The following CCDC71L variants were observed in gnomAD, a reference collection of about 807,000 sequenced individuals.
The protein encoded by CCDC71L is coiled-coil domain-containing protein 71L.
A neutral mutation model predicts 10.2 loss-of-function variants in CCDC71L; 6 were observed. That is an observed-to-expected ratio of 0.59 (90% CI 0.32 to 1.16). The LOEUF (loss-of-function observed/expected upper bound fraction) is 1.16, where lower values mean the gene tolerates loss of function less well. Among genes scored for constraint, CCDC71L ranks in the 50% most tolerant of loss-of-function variants. The probability of loss-of-function intolerance (pLI) is 0.05; values close to 1 mark genes in which losing one functional copy is unlikely to be tolerated. For synonymous variants in CCDC71L, 204 were observed against 175.5 expected, an observed-to-expected ratio of 1.16 and a Z score of -1.28; for missense variants, 366 against 383.4, an observed-to-expected ratio of 0.95 and a Z score of 0.38.
rs950732500 is a variant in CCDC71L at position 106,658,796 on chromosome 7, G to T, written c.*1393C>A. 1.3e-5 allele frequency: 2 copies of T among 152,584 alleles called. No individual in the cohort carries two copies. Among genetic ancestry groups the T allele is most frequent in the African/African-American group, 4.8e-5 (2 of 41,414 alleles). 9.5% of individuals were successfully genotyped at this position (152,584 alleles called of 1,614,324 possible). A position where few individuals can be genotyped will look rare whatever the true frequency, so the allele number is the denominator to read the frequency against. On this transcript the variant is annotated 3_prime_UTR_variant, in exon 1 of 1. Coordinates refer to ENST00000523505, the MANE Select transcript of CCDC71L (RefSeq NM_175884.6). The stretch of plus-strand genomic sequence containing the variant: ...ATAAACACTATAAAAGCGTAAAGAA[G>T]GGTCAGTATTCTGTGTGTCTCGCCT...
rs1167605856 is a variant in CCDC71L at position 106,655,110 on chromosome 7, A to G, written c.*5079T>C. Among the ~76,000 whole-genome samples the G allele has an allele frequency of 1.3e-5, 2 of 152,136 alleles. No homozygotes were observed. The highest frequency in any genetic ancestry group is 2.9e-5 in the Non-Finnish European group (2 of 67,994). Reference sequence around the variant, plus strand: ...CAATTGGGCTTTAGATATGTTTATTATGTTATAGATCATGGTTTAGAATGA... The same window carrying G: ...CAATTGGGCTTTAGATATGTTTATTGTGTTATAGATCATGGTTTAGAATGA... On this transcript the variant is annotated 3_prime_UTR_variant, in exon 1 of 1. Transcript: ENST00000523505.
rs758121112 is a variant in CCDC71L at position 106,660,822 on chromosome 7, A to G, written c.75T>C (p.Phe25=). 40 of 1,533,076 alleles carry G rather than the reference A, an allele frequency of 2.6e-5. No homozygotes were observed. Among genetic ancestry groups the G allele is most frequent in the Middle Eastern group, 3.4e-4 (2 of 5,866 alleles). 95.0% of individuals were successfully genotyped at this position (1,533,076 alleles called of 1,614,324 possible). A position where few individuals can be genotyped will look rare whatever the true frequency, so the allele number is the denominator to read the frequency against. ...APATAARGGD[F]RAEDGAGLEA... is the part of the protein sequence containing the mutation. ...CCAACCCAGCCCCGTCTTCTGCCCT[A>G]AAGTCGCCGCCCCGGGCGGCCGTGG... is the stretch of plus-strand genomic sequence containing the variant. The change falls in exon 1 of 1, where the codon TTT becomes TTC. Residue 25 remains phenylalanine, a synonymous_variant. Coordinates refer to ENST00000523505, the MANE Select transcript of CCDC71L (RefSeq NM_175884.6). This position sits in a 1 kb window ranked among gnomAD's most constrained non-coding sequence, Gnocchi z 7.5.
rs1409094158 is a variant in CCDC71L at position 106,658,279 on chromosome 7, GTGTT to G, written c.*1906_*1909del. The G allele has an allele frequency of 6.6e-6, 1 of 152,068 alleles. No individual in the cohort carries two copies. Among genetic ancestry groups the G allele is most frequent in the Non-Finnish European group, 1.5e-5 (1 of 68,008 alleles). The allele number at this position is 152,068 out of a possible 1,614,324, so 9.4% of individuals were successfully genotyped here. A position where few individuals can be genotyped will look rare whatever the true frequency, so the allele number is the denominator to read the frequency against. On this transcript the variant is annotated 3_prime_UTR_variant, in exon 1 of 1. Transcript: ENST00000523505. ...TTCATTTTTATTTACTCATGTGACA[GTGTT>G]TGTACAATGCATTATCATTGAGTAG...
In CCDC71L at chr7:106,654,856, A is replaced by G. The variant is rs1792465348; in HGVS notation, c.*5333T>C. Among the ~76,000 whole-genome samples, 1 of 151,348 alleles carries G rather than the reference A, an allele frequency of 6.6e-6. No homozygotes were observed. The highest frequency in any genetic ancestry group is 1.5e-5 in the Non-Finnish European group (1 of 67,838). On this transcript the variant is annotated 3_prime_UTR_variant, in exon 1 of 1. Transcript: ENST00000523505. ...TGTAAGATTTAGAACCCTAAGCCAC[A>G]CTCTTTTTTTTTCTGTACTCTTTAA...
chr7:106,661,080 A>T lies in CCDC71L; in HGVS notation c.-184T>A. On this transcript the variant is annotated 5_prime_UTR_variant, in exon 1 of 1. Transcript: ENST00000523505. ...CGAATATCCTGCTGCCCGGTACAAG[A>T]TGGCGGCCGGCGCCCACCCCTGGGC... The T allele has an allele frequency of 7.0e-6, 6 of 862,910 alleles. No homozygotes were observed. The highest frequency in any genetic ancestry group is 9.4e-6 in the Non-Finnish European group (6 of 636,492). The allele number at this position is 862,910 out of a possible 1,614,324, so 53.5% of individuals were successfully genotyped here.
rs1562908576 is a variant in CCDC71L at position 106,660,143 on chromosome 7, C to G, written c.*46G>C. On this transcript the variant is annotated 3_prime_UTR_variant, in exon 1 of 1. Transcript: ENST00000523505. This position sits in a 1 kb window ranked among gnomAD's most constrained non-coding sequence, Gnocchi z 7.5. ...TTGTTCATTCCTCCGGGCGGAAGGC[C>G]TGTCCCAAGGTCGGGGCCGGCAGGA... 2 of 1,466,166 alleles carry G rather than the reference C, an allele frequency of 1.4e-6. No homozygotes were observed. Among genetic ancestry groups the G allele is most frequent in the East Asian group, 2.8e-5 (1 of 35,598 alleles). The allele number at this position is 1,466,166 out of a possible 1,614,324, so 90.8% of individuals were successfully genotyped here.
rs927313346 is a variant in CCDC71L, at chr7:106,656,589, T to A, written c.*3600A>T. On this transcript the variant is annotated 3_prime_UTR_variant, in exon 1 of 1. Transcript: ENST00000523505. ...AAAAATTCGCTAGATAATTAAAGAA[T>A]TGATGGAACACAGACTCCCGAGATA... Among the ~76,000 whole-genome samples, 1 of 151,990 alleles carries A rather than the reference T, an allele frequency of 6.6e-6. No homozygotes were observed. The highest frequency in any genetic ancestry group is 2.4e-5 in the African/African-American group (1 of 41,386).
rs925541499 is a variant in CCDC71L at position 106,661,122 on chromosome 7, G to C, written c.-226C>G. 3 of 495,904 alleles carry C rather than the reference G, an allele frequency of 6.0e-6. No individual in the cohort carries two copies. The highest frequency in any genetic ancestry group is 9.8e-6 in the Non-Finnish European group (3 of 306,730). The allele number at this position is 495,904 out of a possible 1,614,324, so 30.7% of individuals were successfully genotyped here. A position where few individuals can be genotyped will look rare whatever the true frequency, so the allele number is the denominator to read the frequency against. On this transcript the variant is annotated 5_prime_UTR_variant, in exon 1 of 1. Coordinates refer to ENST00000523505, the MANE Select transcript of CCDC71L (RefSeq NM_175884.6). ...CCCCTGGGCTTTGTCATTGGACGGC[G>C]CCTCGCCCCCCTGGTTTCTCTTTCT... is the stretch of plus-strand genomic sequence containing the variant.
In CCDC71L at chr7:106,657,873, G is replaced by A. The variant is rs1011714840; in HGVS notation, c.*2316C>T. ...TGCTAAAGTAACAAGGCATAGGAGA[G>A]AAAAATGTCAAGAATCTCAGTTAAA... On this transcript the variant is annotated 3_prime_UTR_variant, in exon 1 of 1. Transcript: ENST00000523505. 3 of 152,180 alleles carry A rather than the reference G, an allele frequency of 2.0e-5. No homozygotes were observed. The highest frequency in any genetic ancestry group is 2.4e-5 in the African/African-American group (1 of 41,452). The allele number at this position is 152,180 out of a possible 1,614,324, so 9.4% of individuals were successfully genotyped here. A position where few individuals can be genotyped will look rare whatever the true frequency, so the allele number is the denominator to read the frequency against.
rs1389949564 is a variant in CCDC71L, at chr7:106,657,503, TAC to T, written c.*2684_*2685del. The T allele has an allele frequency of 6.6e-6, 1 of 152,208 alleles. No individual in the cohort carries two copies. The highest frequency in any genetic ancestry group is 1.5e-5 in the Non-Finnish European group (1 of 68,030). 9.4% of individuals were successfully genotyped at this position (152,208 alleles called of 1,614,324 possible). A position where few individuals can be genotyped will look rare whatever the true frequency, so the allele number is the denominator to read the frequency against. ...TTCAAAAACTATACACAAGCTAAGCTACAGACTTCACTTCAGAGGAGTAAGTG... is the reference window on the plus strand; with the variant it reads ...TTCAAAAACTATACACAAGCTAAGCTAGACTTCACTTCAGAGGAGTAAGTG... On this transcript the variant is annotated 3_prime_UTR_variant, in exon 1 of 1. Coordinates refer to ENST00000523505, the MANE Select transcript of CCDC71L (RefSeq NM_175884.6).
Position 106,661,087 on chromosome 7 carries a change from C to T in CCDC71L, c.-191G>A. 1 of 755,126 alleles carries T rather than the reference C, an allele frequency of 1.3e-6. No homozygotes were observed. 46.8% of individuals were successfully genotyped at this position (755,126 alleles called of 1,614,324 possible). A position where few individuals can be genotyped will look rare whatever the true frequency, so the allele number is the denominator to read the frequency against. Reference sequence around the variant, plus strand: ...CCTGCTGCCCGGTACAAGATGGCGGCCGGCGCCCACCCCTGGGCTTTGTCA... The same window carrying T: ...CCTGCTGCCCGGTACAAGATGGCGGTCGGCGCCCACCCCTGGGCTTTGTCA... On this transcript the variant is annotated 5_prime_UTR_variant, in exon 1 of 1. Transcript: ENST00000523505.
chr7:106,656,045 TATA>T lies in CCDC71L; in HGVS notation c.*4141_*4143del, dbSNP rs1228840460. Reference sequence around the variant, plus strand: ...TTTGAAAGGGGTAGTTATTAATCCTTATAATATCCCAATAGTTTCTTTCACTAA... The same window carrying T: ...TTTGAAAGGGGTAGTTATTAATCCTTATATCCCAATAGTTTCTTTCACTAA... On this transcript the variant is annotated 3_prime_UTR_variant, in exon 1 of 1. Transcript: ENST00000523505. Among the ~76,000 whole-genome samples, 8 of 152,178 alleles carry T rather than the reference TATA, an allele frequency of 5.3e-5. No individual in the cohort carries two copies. Among genetic ancestry groups the T allele is most frequent in the African/African-American group, 1.9e-4 (8 of 41,428 alleles).
At position 106,660,017 on chromosome 7, in the gene CCDC71L, G is replaced by T; in HGVS notation, c.*172C>A. The T allele has an allele frequency of 1.1e-6, 1 of 936,238 alleles. No homozygotes were observed. Among genetic ancestry groups the T allele is most frequent in the South Asian group, 2.0e-5 (1 of 49,496 alleles). The allele number at this position is 936,238 out of a possible 1,614,324, so 58.0% of individuals were successfully genotyped here. On this transcript the variant is annotated 3_prime_UTR_variant, in exon 1 of 1. Transcript: ENST00000523505. The surrounding 1 kb of genome is among the most constrained non-coding windows in gnomAD (Gnocchi z 7.5). The stretch of plus-strand genomic sequence containing the variant: ...CTGCCCCAGCGTCCAAGACGACCGC[G>T]CCGCGGCCCGGGACAGGGACAACCA...
chr7:106,660,810 G>T lies in CCDC71L; in HGVS notation c.87C>A (p.Asp29Glu). The T allele has an allele frequency of 6.5e-7, 1 of 1,543,722 alleles. No individual in the cohort carries two copies. The highest frequency in any genetic ancestry group is 8.7e-7 in the Non-Finnish European group (1 of 1,144,090). ...CCTCCCGCGCCTCCAACCCAGCCCC[G>T]TCTTCTGCCCTAAAGTCGCCGCCCC... ...AARGGDFRAE[D>E]GAGLEAREEK... is the part of the protein sequence containing the mutation. Residue 29 changes from aspartate (D) to glutamate (E), a missense_variant, in exon 1 of 1, where the codon GAC becomes GAA. Coordinates refer to ENST00000523505, the MANE Select transcript of CCDC71L (RefSeq NM_175884.6). The surrounding 1 kb of genome is among the most constrained non-coding windows in gnomAD (Gnocchi z 7.5).
chr7:106,659,952 C>T lies in CCDC71L; in HGVS notation c.*237G>A. 1.9e-6 allele frequency: 1 copy of T among 525,376 alleles called. No homozygotes were observed. The allele number at this position is 525,376 out of a possible 1,614,324, so 32.5% of individuals were successfully genotyped here. A position where few individuals can be genotyped will look rare whatever the true frequency, so the allele number is the denominator to read the frequency against. ...TCCCCTGCGGGTCCAGCTGTCCCCT[C>T]CCTCCGCAGGCCGGGTACGGGAGGC... On this transcript the variant is annotated 3_prime_UTR_variant, in exon 1 of 1. Transcript: ENST00000523505.
rs182819327 is a variant in CCDC71L, at chr7:106,657,571, A to G, written c.*2618T>C. ...AGGCCACTATGCCAAGTTTCTTTTC[A>G]CATTCTGTGACAAAGTACCCATGAA... On this transcript the variant is annotated 3_prime_UTR_variant, in exon 1 of 1. Coordinates refer to ENST00000523505, the MANE Select transcript of CCDC71L (RefSeq NM_175884.6). 6.6e-6 allele frequency: 1 copy of G among 152,322 alleles called. No homozygotes were observed. The highest frequency in any genetic ancestry group is 2.1e-4 in the South Asian group (1 of 4,828). 9.4% of individuals were successfully genotyped at this position (152,322 alleles called of 1,614,324 possible). A position where few individuals can be genotyped will look rare whatever the true frequency, so the allele number is the denominator to read the frequency against.
chr7:106,660,523 A>C lies in CCDC71L; in HGVS notation c.374T>G (p.Val125Gly), dbSNP rs1792574588. Residue 125 changes from valine to glycine, a missense_variant, in exon 1 of 1, where the codon GTT (valine) becomes GGT (glycine). Val to Gly is a moderately radical substitution (Grantham distance 109). Coordinates refer to ENST00000523505, the MANE Select transcript of CCDC71L (RefSeq NM_175884.6). This position sits in a 1 kb window ranked among gnomAD's most constrained non-coding sequence, Gnocchi z 7.5. The part of the protein sequence containing the change: ...PTARGQARRP[V>G]PRAAARRRRR... Reference sequence around the variant, plus strand: ...CCTCCTCCTGGCCGCTGCGCGCGGAACCGGCCGGCGCGCCTGGCCGCGGGC... The same window carrying C: ...CCTCCTCCTGGCCGCTGCGCGCGGACCCGGCCGGCGCGCCTGGCCGCGGGC... 1 of 1,440,732 alleles carries C rather than the reference A, an allele frequency of 6.9e-7. No homozygotes were observed. Among genetic ancestry groups the C allele is most frequent in the Non-Finnish European group, 9.2e-7 (1 of 1,092,236 alleles). 89.2% of individuals were successfully genotyped at this position (1,440,732 alleles called of 1,614,324 possible).
At position 106,660,248 on chromosome 7, in the gene CCDC71L, G is replaced by C. The variant is rs781416527; in HGVS notation, c.649C>G (p.Leu217Val). Residue 217 changes from leucine (L) to valine (V), a missense_variant, in exon 1 of 1, where the codon CTG becomes GTG. Coordinates refer to ENST00000523505, the MANE Select transcript of CCDC71L (RefSeq NM_175884.6). This position sits in a 1 kb window ranked among gnomAD's most constrained non-coding sequence, Gnocchi z 7.5. ...AAARRRARQVLRVNLEPMVRL... is the reference protein window; with the variant it reads ...AAARRRARQVVRVNLEPMVRL... The stretch of plus-strand genomic sequence containing the variant: ...ACCATGGGTTCCAGGTTCACTCGCA[G>C]GACCTGGCGCGCCCTGCGCCGCGCT... The C allele has an allele frequency of 6.3e-7, 1 of 1,576,570 alleles. No individual in the cohort carries two copies. Among genetic ancestry groups the C allele is most frequent in the Non-Finnish European group, 8.5e-7 (1 of 1,171,306 alleles).
rs976159634 is a variant in CCDC71L at position 106,654,749 on chromosome 7, T to C, written c.*5440A>G. Among the ~76,000 whole-genome samples, 1 of 152,144 alleles carries C rather than the reference T, an allele frequency of 6.6e-6. No individual in the cohort carries two copies. The highest frequency in any genetic ancestry group is 2.4e-5 in the African/African-American group (1 of 41,448). ...TCTGAGTGCTAGTTCCATGAGCCTA[T>C]TGAATTTATGAAAATTCATCAAACT... On this transcript the variant is annotated 3_prime_UTR_variant, in exon 1 of 1. Transcript: ENST00000523505.
Sources: allele counts gnomAD v4.1 joint callset (sites outside exome capture counted in the v4.1 genomes callset), GRCh38; gene constraint gnomAD v4.1.1; non-coding constraint Gnocchi (gnomAD v3.1); transcripts MANE v1.5; gene names NCBI Gene and HGNC (gene_info 2026-07-23, HGNC 2026-07-21).